The following ERBIN variants were observed in gnomAD, a reference collection of about 807,000 sequenced individuals.
ERBIN encodes the protein densin-180-like protein.
ERBIN carries 60 observed loss-of-function variants against 158.4 expected under a neutral mutation model. The observed-to-expected ratio is 0.38, with a 90% CI of 0.31 to 0.47. The LOEUF is 0.47. ERBIN is among the 20% of genes least tolerant of loss of function. ERBIN has a pLI of 0.99. For missense variants in ERBIN, 1,610 were observed against 1,648.0 expected, an observed-to-expected ratio of 0.98 and a Z score of 0.40; for synonymous variants, 594 against 557.2, an observed-to-expected ratio of 1.07 and a Z score of -0.93.
In ERBIN at chr5:66,078,485, C is replaced by A. The variant is rs754881985; in HGVS notation, c.4194C>A (p.Phe1398Leu). Residue 1398 changes from phenylalanine (F) to leucine (L), a missense_variant, in exon 26 of 26, where the codon TTC (phenylalanine) becomes TTA (leucine). Physicochemically the swap from Phe to Leu is conservative, Grantham distance 22. This residue lies in a region of ERBIN where 1,014 missense variants were observed against 936.1 expected (regional missense o/e 1.08). Coordinates refer to ENST00000284037, the MANE Select transcript of ERBIN (RefSeq NM_001253697.2). ...HGQAVSLLKTFQNTVELIIVR... is the reference protein window; with the variant it reads ...HGQAVSLLKTLQNTVELIIVR... ...AAGCAGTGTCCTTGCTAAAAACTTT[C>A]CAGAATACAGTTGAACTCATCATTG... 3.1e-6 allele frequency: 5 copies of A among 1,600,764 alleles called. No homozygotes were observed. Among genetic ancestry groups the A allele is most frequent in the Non-Finnish European group, 4.3e-6 (5 of 1,176,302 alleles).
At chr5:65,940,867 A>T (rs1166647053) in intron 1 of ERBIN, among the ~76,000 whole-genome samples, 1 of 152,066 alleles carries the variant, frequency 6.6e-6, no homozygotes, top group African/African-American at 2.4e-5. Flanking sequence ...GGTTTTGTGG[A>T]ATAGAAAGGG....
intron 14 of ERBIN, among the ~76,000 whole-genome samples, chr5:66,034,052 T>C (rs1156901032): frequency 6.7e-6 from 1 of 149,438 alleles, no homozygotes; most frequent in African/African-American, 2.5e-5. Flanking sequence ...GACGTTGCAG[T>C]GAGCCGAGAT....
intron 7 of ERBIN, among the ~76,000 whole-genome samples, chr5:66,015,063 C>T (rs905430208): frequency 6.6e-6 from 1 of 152,106 alleles, no homozygotes. Context: ...ACACATAGTG[C>T]TCATTAGAAA....
chr5:65,948,963 C>T (rs1746159544), intron 1 of ERBIN, among the ~76,000 whole-genome samples: 1 of 151,786 alleles, frequency 6.6e-6, no homozygotes. Context: ...GGGGTTTCAC[C>T]ATGTTGGCCA....
intron 1 of ERBIN, among the ~76,000 whole-genome samples, chr5:65,988,006 G>T (rs1177746291): frequency 6.6e-6 from 1 of 152,160 alleles, no homozygotes; most frequent in African/African-American, 2.4e-5. Flanking sequence ...CATTTTAATG[G>T]TAGGTGAAAG....
chr5:66,010,600 A>T lies in ERBIN; in HGVS notation c.308-1449A>T, dbSNP rs576559659. Among the ~76,000 whole-genome samples the T allele has an allele frequency of 2.0e-5, 3 of 152,194 alleles. No individual in the cohort carries two copies. The South Asian group carries it at 6.2e-4, about 32-fold the overall frequency. ...ATTTCCTATTTGGTGGTTTTGCATC[A>T]TTCATTTTTCATCACCTGACATTCT... On this transcript the variant is annotated intron_variant, in intron 4 of 25. Transcript: ENST00000284037.
chr5:66,044,074 TTTTG>T (rs1758177796), intron 16 of ERBIN, 59 bp from the exon 17 acceptor site: 1 of 1,247,392 alleles, frequency 8.0e-7, no homozygotes, highest in African/African-American at 1.6e-5. Context: ...ACAGATTAAA[TTTTG>T]TTTGAGATTG....
chr5:65,994,925 C>A, intron 4 of ERBIN, 61 bp downstream of exon 4: 1 of 936,042 alleles, frequency 1.1e-6, no homozygotes, highest in Non-Finnish European at 1.7e-6. Context: ...ACTAAGATTT[C>A]TATTGAGTTT....
intron 1 of ERBIN, among the ~76,000 whole-genome samples, chr5:65,975,082 A>C (rs1749704369): frequency 6.6e-6 from 1 of 152,182 alleles, no homozygotes; most frequent in Non-Finnish European, 1.5e-5. Context: ...ATCTTGGCTC[A>C]CTGCAACCTT....
intron 1 of ERBIN, among the ~76,000 whole-genome samples, chr5:65,971,157 C>A (rs1749202457): frequency 6.6e-6 from 1 of 151,578 alleles, no homozygotes; most frequent in African/African-American, 2.4e-5. Flanking sequence ...GATGATAAAT[C>A]TAAATTGGTT....
At chr5:66,023,254 T>C in intron 8 of ERBIN, 36 bp from the exon 9 acceptor site, 1 of 1,483,592 alleles carries the variant, frequency 6.7e-7, no homozygotes, top group Non-Finnish European at 9.4e-7. Context: ...TAAAAATTAA[T>C]TGAATTACTG....
At chr5:66,047,199 G>C (rs1276741458) in intron 18 of ERBIN, among the ~76,000 whole-genome samples, 1 of 151,976 alleles carries the variant, frequency 6.6e-6, no homozygotes, top group Non-Finnish European at 1.5e-5. Context: ...GCCTATTCTT[G>C]ACATTTCATT....
rs201990713 is a variant in ERBIN, at chr5:66,054,913, C to A, written c.3595C>A (p.Gln1199Lys). Residue 1199 changes from glutamine to lysine, a missense_variant, in exon 21 of 26, where the codon CAA (glutamine) becomes AAA (lysine). By Grantham distance (53) the Gln-to-Lys change is moderately conservative. Around this residue, in one of 2 missense-constraint regions of ERBIN, gnomAD observed 1,014 missense variants for 936.1 expected, o/e 1.08. Transcript: ENST00000284037. ...KSKVPRDWRE[Q>K]VLRHIEAKKL... ...TAAAGTTCCTCGTGACTGGAGAGAA[C>A]AAGTACTTCGACATATTGAAGCCAA... 1.9e-6 allele frequency: 3 copies of A among 1,607,336 alleles called. No individual in the cohort carries two copies. The African/African-American group carries it at 4.0e-5, about 22-fold the overall frequency.
chr5:66,060,337 T>G (rs13435936), intron 21 of ERBIN, among the ~76,000 whole-genome samples: 4 of 152,040 alleles, frequency 2.6e-5, no homozygotes, highest in East Asian at 1.9e-4. Context: ...AGAGGTGTTT[T>G]TAGTTTTCTC....
intron 21 of ERBIN, chr5:66,055,249 C>A: frequency 2.8e-6 from 1 of 360,852 alleles, no homozygotes; most frequent in East Asian, 9.0e-5. Context: ...TACCTCTGTT[C>A]AGCATTTTCT....
Position 66,028,334 on chromosome 5 carries a change from A to G in ERBIN, c.1197A>G (p.Ser399=). Residue 399 remains serine (S), a synonymous_variant, in exon 14 of 26, where the codon TCA becomes TCG. Transcript: ENST00000284037. ...AGCAATTGACAGCTATGTGGCTCTC[A>G]GATAATCAGGTGGGCATTCTGATTT... is the stretch of plus-strand genomic sequence containing the variant. ...KLQQLTAMWL[S]DNQSKPLIPL... 6.2e-7 allele frequency: 1 copy of G among 1,612,448 alleles called. No homozygotes were observed. Among genetic ancestry groups the G allele is most frequent in the Non-Finnish European group, 8.5e-7 (1 of 1,178,914 alleles).
intron 1 of ERBIN, among the ~76,000 whole-genome samples, chr5:65,938,276 A>G (rs1056885983): frequency 6.6e-6 from 1 of 151,966 alleles, no homozygotes; most frequent in Admixed American, 6.6e-5. Flanking sequence ...ATTATCTACT[A>G]TAGTGATGAC....
intron 7 of ERBIN, among the ~76,000 whole-genome samples, chr5:66,018,487 T>TA (rs1554058775): frequency 0.067 from 442 of 6,562 alleles, 129 homozygotes; most frequent in Non-Finnish European, 0.085. Flanking sequence ...ATATTATATA[T>TA]TATATTATAT....
rs139664465 is a variant in ERBIN at position 66,065,318 on chromosome 5, T to C, written c.3634-6851T>C. On this transcript the variant is annotated intron_variant, in intron 21 of 25. Transcript: ENST00000284037. ...TTGCTAAGATTGCTAGACATACTTA[T>C]TATTTCAAAGAGCAGCCCATTCCAA... is the stretch of plus-strand genomic sequence containing the variant. Among the ~76,000 whole-genome samples the C allele has an allele frequency of 5.3e-5, 8 of 152,010 alleles. No individual in the cohort carries two copies. The East Asian group carries it at 5.8e-4, about 11-fold the overall frequency.
Sources: allele counts gnomAD v4.1 joint callset (sites outside exome capture counted in the v4.1 genomes callset), GRCh38; gene constraint gnomAD v4.1.1; regional missense constraint gnomAD v4.1.1; transcripts MANE v1.5; gene names NCBI Gene and HGNC (gene_info 2026-07-23, HGNC 2026-07-21).